The following SLC14A2 variants were observed in gnomAD, a reference collection of about 807,000 sequenced individuals.
SLC14A2 encodes the protein urea transporter 2.
Under a neutral mutation model 104.6 loss-of-function variants are expected in SLC14A2, and 91 were observed. The ratio of observed to expected loss-of-function variants is 0.87; its 90% CI spans 0.73 to 1.04. The LOEUF is 1.04. Ranked by LOEUF, SLC14A2 falls within the 50% of genes least tolerant of loss-of-function variation. The pLI, the probability that SLC14A2 is intolerant of heterozygous loss-of-function variation, is 0.00. For missense variants in SLC14A2, 1,189 were observed against 1,156.0 expected (o/e 1.03, Z -0.41); for synonymous variants, 476 against 466.4 (o/e 1.02, Z -0.27).
At chr18:45,392,901 T>C (rs1208112774) in intron 1 of SLC14A2, among the ~76,000 whole-genome samples, 1 of 152,230 alleles carries the variant, frequency 6.6e-6, no homozygotes, top group Admixed American at 6.5e-5. Flanking sequence ...AAAAATAATT[T>C]GACTGGACTC....
At chr18:45,219,820 G>A (rs1209303252) in intron 1 of SLC14A2, among the ~76,000 whole-genome samples, 1 of 152,170 alleles carries the variant, frequency 6.6e-6, no homozygotes, top group African/African-American at 2.4e-5. Context: ...GTTTTAGGAA[G>A]GGGAGAATCC....
At chr18:45,417,150 T>G (rs2086286733) in intron 1 of SLC14A2, among the ~76,000 whole-genome samples, 1 of 152,204 alleles carries the variant, frequency 6.6e-6, no homozygotes, top group African/African-American at 2.4e-5. Flanking sequence ...GCAGAGAGGT[T>G]TTCTGATCTG....
intron 1 of SLC14A2, among the ~76,000 whole-genome samples, chr18:45,289,864 C>T (rs1056977949): frequency 6.6e-6 from 1 of 152,156 alleles, no homozygotes; most frequent in Non-Finnish European, 1.5e-5. Context: ...AGATGCAAGA[C>T]CTGAACAACT....
intron 2 of SLC14A2, among the ~76,000 whole-genome samples, chr18:45,547,903 G>A (rs2542984): frequency 2.6e-5 from 4 of 152,196 alleles, no homozygotes; most frequent in African/African-American, 7.2e-5. Flanking sequence ...GAGCAAAAGG[G>A]TTGGCCTGGG....
At chr18:45,288,372 G>A (rs985249095) in intron 1 of SLC14A2, among the ~76,000 whole-genome samples, 35 of 152,212 alleles carry the variant, frequency 2.3e-4, no homozygotes, top group African/African-American at 8.0e-4. Flanking sequence ...CAAATGTCAT[G>A]CAAGGCTCCA....
At chr18:45,542,035 G>GTTTTTTTTTTTGTT (rs2043892024) in intron 2 of SLC14A2, among the ~76,000 whole-genome samples, 3 of 54,234 alleles carry the variant, frequency 5.5e-5, no homozygotes, top group Non-Finnish European at 7.4e-5. Context: ...AAGAGAGAGG[G>GTTTTTTTTTTTGTT]TTTTTTTTTT....
At chr18:45,522,866 A>G (rs557349887) in intron 2 of SLC14A2, among the ~76,000 whole-genome samples, 7 of 152,314 alleles carry the variant, frequency 4.6e-5, no homozygotes, top group African/African-American at 1.7e-4. Flanking sequence ...GCCTTGGGCA[A>G]TAGAAGTCAG....
At chr18:45,318,802 AT>A (rs1158325748) in intron 1 of SLC14A2, among the ~76,000 whole-genome samples, 2 of 151,534 alleles carry the variant, frequency 1.3e-5, no homozygotes, top group Non-Finnish European at 2.9e-5. Context: ...AAAAAAAAAA[AT>A]TCGCAGGTCC....
At chr18:45,186,125 T>C in the SLC14A2 span, among the ~76,000 whole-genome samples, 10 of 152,302 alleles carry the variant, frequency 6.6e-5, no homozygotes, top group Non-Finnish European at 1.2e-4. Flanking sequence ...GCAAAATGAC[T>C]CTAAAATTCC....
At chr18:45,261,587 T>A (rs1475228794) in intron 1 of SLC14A2, among the ~76,000 whole-genome samples, 1 of 150,090 alleles carries the variant, frequency 6.7e-6, no homozygotes, top group Non-Finnish European at 1.5e-5. Flanking sequence ...GTCCCCAGAG[T>A]GTGATGTTCC....
chr18:45,362,350 G>T (rs2085620919), intron 1 of SLC14A2, among the ~76,000 whole-genome samples: 1 of 152,162 alleles, frequency 6.6e-6, no homozygotes, highest in Non-Finnish European at 1.5e-5. Flanking sequence ...GGGAAATGTG[G>T]CTGCCAGTTG....
At chr18:45,233,831 G>A (rs2084199788) in intron 1 of SLC14A2, among the ~76,000 whole-genome samples, 1 of 147,552 alleles carries the variant, frequency 6.8e-6, no homozygotes, top group Non-Finnish European at 1.5e-5. Flanking sequence ...GTGGTCATGG[G>A]TCCTTTATGT....
At chr18:45,569,893 C>G (rs920186462) in intron 2 of SLC14A2, among the ~76,000 whole-genome samples, 3 of 152,128 alleles carry the variant, frequency 2.0e-5, no homozygotes, top group African/African-American at 7.2e-5. Context: ...TTGCAGCCTA[C>G]CCCCCTTCAT....
At chr18:45,230,002 A>C (rs189805994) in intron 1 of SLC14A2, among the ~76,000 whole-genome samples, 5 of 152,334 alleles carry the variant, frequency 3.3e-5, no homozygotes, top group Admixed American at 1.3e-4. Context: ...AATAAAACAT[A>C]TCTCAAACAT....
intron 1 of SLC14A2, among the ~76,000 whole-genome samples, chr18:45,254,507 A>AC (rs1419819260): frequency 2.0e-5 from 3 of 152,106 alleles, no homozygotes; most frequent in African/African-American, 7.2e-5. Context: ...GCAAATATAA[A>AC]CCATCCAACT....
At chr18:45,632,660 T>G (rs544601935) in intron 5 of SLC14A2, among the ~76,000 whole-genome samples, 182 bp downstream of exon 5, 1 of 152,300 alleles carries the variant, frequency 6.6e-6, no homozygotes, top group South Asian at 2.1e-4. Context: ...TTTGGAGATA[T>G]GGAATAAGGA....
intron 1 of SLC14A2, among the ~76,000 whole-genome samples, chr18:45,367,347 G>C (rs2085676264): frequency 6.6e-6 from 1 of 152,144 alleles, no homozygotes; most frequent in South Asian, 2.1e-4. Context: ...GGAAGAATGA[G>C]CGTCCTTGCC....
intron 1 of SLC14A2, among the ~76,000 whole-genome samples, chr18:45,271,310 T>A (rs1226166879): frequency 3.9e-5 from 6 of 152,204 alleles, no homozygotes; most frequent in Non-Finnish European, 8.8e-5. Flanking sequence ...TAGCAATGGT[T>A]ATTTTTTCCT....
intron 1 of SLC14A2, among the ~76,000 whole-genome samples, chr18:45,342,011 A>G (rs1299709919): frequency 6.6e-6 from 1 of 152,214 alleles, no homozygotes; most frequent in Non-Finnish European, 1.5e-5. Flanking sequence ...ATATTAATGA[A>G]TTAAAATATG....
Sources: allele counts gnomAD v4.1 joint callset (sites outside exome capture counted in the v4.1 genomes callset), GRCh38; gene constraint gnomAD v4.1.1; transcripts MANE v1.5; gene names NCBI Gene and HGNC (gene_info 2026-07-23, HGNC 2026-07-21).